Variants in ELMOD3 observed in about 807,000 individuals in gnomAD.
ELMOD3 encodes the protein ELMO domain containing 3, also known as ELMO domain-containing protein 3.
In ELMOD3, 36 loss-of-function variants were observed where a neutral mutation model predicts 47.4. That is an observed-to-expected ratio of 0.76 (90% CI 0.58 to 1.00). The LOEUF (loss-of-function observed/expected upper bound fraction) is 1.00. ELMOD3 is among the 50% of genes least tolerant of loss of function. The pLI is 0.00. For synonymous variants in ELMOD3, 149 were observed against 183.5 expected (o/e 0.81, Z 1.52); for missense variants, 404 against 463.8 (o/e 0.87, Z 1.18).
At chr2:85,362,135 C>T (rs1438644023) in intron 4 of ELMOD3, 51 bp from the exon 5 acceptor site, 6 of 1,085,676 alleles carry the variant, frequency 5.5e-6, no homozygotes, top group Non-Finnish European at 8.5e-6. Flanking sequence ...AAACTATTAT[C>T]TTTGGGGGAT....
At chr2:85,382,948 A>AC (rs1447288001) in intron 11 of ELMOD3, among the ~76,000 whole-genome samples, 2 of 133,014 alleles carry the variant, frequency 1.5e-5, no homozygotes. Context: ...GGAAAAAAAA[A>AC]AAAAAACAAA....
intron 11 of ELMOD3, among the ~76,000 whole-genome samples, chr2:85,377,945 C>T (rs968020325): frequency 1.3e-5 from 2 of 152,106 alleles, no homozygotes; most frequent in African/African-American, 4.8e-5. Flanking sequence ...GATTGGCTAG[C>T]AACTTAGAAC....
chr2:85,390,980 G>T lies in ELMOD3; in HGVS notation c.*18G>T. ...TGATCTGACCTCCGAGATGAATGGA[G>T]GCTTAAAGGCTGAGCTGCAGGGGCT... On this transcript the variant is annotated 3_prime_UTR_variant, in exon 14 of 14. Transcript: ENST00000409013. 6.5e-7 allele frequency: 1 copy of T among 1,545,166 alleles called. No individual in the cohort carries two copies. Among genetic ancestry groups the T allele is most frequent in the Non-Finnish European group, 8.8e-7 (1 of 1,142,164 alleles).
chr2:85,364,825 A>ATATTTTTTTT (rs375582916), intron 6 of ELMOD3, among the ~76,000 whole-genome samples: 5 of 69,900 alleles, frequency 7.2e-5, no homozygotes, highest in Non-Finnish European at 7.6e-5. Context: ...ATATATATAT[A>ATATTTTTTTT]TTTTTTTTTT....
chr2:85,354,774 C>A lies in ELMOD3; in HGVS notation c.-427C>A. ...GCACGGAAGCGGCTGTGCGCATGAG[C>A]AGATGAGGCCTAGCCGAGGCGGCGG... On this transcript the variant is annotated 5_prime_UTR_variant, in exon 1 of 14. Transcript: ENST00000409013. 2.5e-6 allele frequency: 1 copy of A among 394,410 alleles called. No homozygotes were observed. Among genetic ancestry groups the A allele is most frequent in the Non-Finnish European group, 4.6e-6 (1 of 218,642 alleles). 24.4% of individuals were successfully genotyped at this position (394,410 alleles called of 1,614,324 possible).
chr2:85,384,498 G>T (rs1035355244), intron 11 of ELMOD3, among the ~76,000 whole-genome samples: 4 of 152,168 alleles, frequency 2.6e-5, no homozygotes, highest in African/African-American at 9.7e-5. Context: ...GGCCAGAGGT[G>T]CTTCAGTAGC....
In ELMOD3 at chr2:85,373,950, A is replaced by G. The variant is rs1296249913; in HGVS notation, c.607+2388A>G. 2.7e-5 allele frequency among the ~76,000 whole-genome samples: 3 copies of G among 112,470 alleles called. No individual in the cohort carries two copies. In the East Asian group the frequency reaches 7.2e-4, roughly 27 times the overall value. The allele number at this position is 112,470 out of a possible 152,430, so 73.8% of individuals were successfully genotyped here. ...TTTTTTTTTTTTTTCTATTTCAAGGACTTCCTTTAGTTATTCTCTTAGGAT... is the reference window on the plus strand; with the variant it reads ...TTTTTTTTTTTTTTCTATTTCAAGGGCTTCCTTTAGTTATTCTCTTAGGAT... On this transcript the variant is annotated intron_variant, in intron 10 of 13. Transcript: ENST00000409013.
In ELMOD3 at chr2:85,384,261, T is replaced by TG. The variant is rs1685774055; in HGVS notation, c.739-5489dup. Among the ~76,000 whole-genome samples, 3 of 152,256 alleles carry TG rather than the reference T, an allele frequency of 2.0e-5. No homozygotes were observed. In the South Asian group the frequency reaches 6.2e-4, roughly 31 times the overall value. On this transcript the variant is annotated intron_variant, in intron 11 of 13. Coordinates refer to ENST00000409013, the MANE Select transcript of ELMOD3 (RefSeq NM_001135022.2). Reference sequence around the variant, plus strand: ...GTGATTTGGGGAACCCAAGATATTTTGTTTTCACAATAGAAACTTCAGCTG... The same window carrying TG: ...GTGATTTGGGGAACCCAAGATATTTTGGTTTTCACAATAGAAACTTCAGCTG...
chr2:85,370,521 G>T (rs918718324), intron 8 of ELMOD3, among the ~76,000 whole-genome samples: 2 of 152,170 alleles, frequency 1.3e-5, no homozygotes, highest in African/African-American at 2.4e-5. Flanking sequence ...TTGCTCAGGG[G>T]AGAGAGGCTA....
intron 7 of ELMOD3, among the ~76,000 whole-genome samples, chr2:85,369,499 A>G (rs1281545849): frequency 6.6e-6 from 1 of 152,176 alleles, no homozygotes; most frequent in Non-Finnish European, 1.5e-5. Context: ...CGTGGGGCAG[A>G]TCCGCCCCAT....
At position 85,390,771 on chromosome 2, in the gene ELMOD3, T is replaced by C; in HGVS notation, c.955T>C (p.Leu319=). 6.4e-7 allele frequency: 1 copy of C among 1,551,062 alleles called. No homozygotes were observed. ...SGFVLKELEV[L]AKKSPRRLLK... ...TCTCTCTGTTGCAGAGTTGGAAGTA[T>C]TGGCCAAGAAGAGCCCACGGCGGCT... is the stretch of plus-strand genomic sequence containing the variant. Residue 319 remains leucine, a synonymous_variant, in exon 14 of 14, where the codon TTG becomes CTG. Coordinates refer to ENST00000409013, the MANE Select transcript of ELMOD3 (RefSeq NM_001135022.2).
At position 85,376,373 on chromosome 2, in the gene ELMOD3, C is replaced by G. The variant is rs983585240; in HGVS notation, c.608-971C>G. Reference sequence around the variant, plus strand: ...CCAGCAGGGGAAGGAGGGACGTCACCATGTTACTGCCAGGTGGGGGTGGAA... The same window carrying G: ...CCAGCAGGGGAAGGAGGGACGTCACGATGTTACTGCCAGGTGGGGGTGGAA... On this transcript the variant is annotated intron_variant, in intron 10 of 13. Coordinates refer to ENST00000409013, the MANE Select transcript of ELMOD3 (RefSeq NM_001135022.2). This position sits in a 1 kb window ranked among gnomAD's most constrained non-coding sequence, Gnocchi z 4.2. 3.3e-5 allele frequency among the ~76,000 whole-genome samples: 5 copies of G among 152,166 alleles called. No individual in the cohort carries two copies. The highest frequency in any genetic ancestry group is 1.2e-4 in the African/African-American group (5 of 41,448).
At chr2:85,362,862 G>A (rs1310255273) in intron 5 of ELMOD3, among the ~76,000 whole-genome samples, 4 of 152,212 alleles carry the variant, frequency 2.6e-5, no homozygotes, top group Non-Finnish European at 5.9e-5. Context: ...AGGTTGCAGT[G>A]AGCCAAGATC....
At chr2:85,378,994 A>G (rs926763883) in intron 11 of ELMOD3, among the ~76,000 whole-genome samples, 1 of 152,220 alleles carries the variant, frequency 6.6e-6, no homozygotes, top group Non-Finnish European at 1.5e-5. Context: ...CTGGATATCA[A>G]TATAGGCCAC....
intron 8 of ELMOD3, 125 bp downstream of exon 8, chr2:85,369,955 A>G (rs1246880650): frequency 4.9e-6 from 6 of 1,234,694 alleles, no homozygotes; most frequent in Non-Finnish European, 6.7e-6. Context: ...GCCCAGGATC[A>G]TGGGTGGCCT....
chr2:85,365,357 A>AAT (rs1553417218), intron 6 of ELMOD3, among the ~76,000 whole-genome samples: 2 of 150,466 alleles, frequency 1.3e-5, no homozygotes, highest in Non-Finnish European at 3.0e-5. Context: ...CTCAAAAAAA[A>AAT]ATATATATAT....
rs201516145 is a variant in ELMOD3 at position 85,369,665 on chromosome 2, T to C, written c.269-74T>C. On this transcript the variant is annotated intron_variant, in intron 7 of 13. Transcript: ENST00000409013. ...CAGTGCTTGGCTTGGAAGTGACAAG[T>C]AGGAGGGCCTCAGTAAATGTTTGTT... The C allele has an allele frequency of 8.2e-4, 1,232 of 1,510,568 alleles. 22 individuals carry two copies. In the South Asian group the frequency reaches 0.014, roughly 17 times the overall value. The allele number at this position is 1,510,568 out of a possible 1,614,324, so 93.6% of individuals were successfully genotyped here.
At chr2:85,388,714 G>A (rs1157432535) in intron 11 of ELMOD3, among the ~76,000 whole-genome samples, 1 of 152,216 alleles carries the variant, frequency 6.6e-6, no homozygotes, top group Non-Finnish European at 1.5e-5. Context: ...AAGCACACGT[G>A]ACTACTGAGC....
rs1686314967 is a variant in ELMOD3, at chr2:85,391,001, G to T, written c.*39G>T. On this transcript the variant is annotated 3_prime_UTR_variant, in exon 14 of 14. Transcript: ENST00000409013. ...TGGAGGCTTAAAGGCTGAGCTGCAGGGGCTTTCAGGGGGTCAGTGGAGCCA... is the reference window on the plus strand; with the variant it reads ...TGGAGGCTTAAAGGCTGAGCTGCAGTGGCTTTCAGGGGGTCAGTGGAGCCA... 2 of 1,527,828 alleles carry T rather than the reference G, an allele frequency of 1.3e-6. No individual in the cohort carries two copies. The highest frequency in any genetic ancestry group is 4.9e-5 in the East Asian group (2 of 40,568). The allele number at this position is 1,527,828 out of a possible 1,614,324, so 94.6% of individuals were successfully genotyped here.
Sources: gnomAD v4.1 joint callset for allele counts (sites outside exome capture counted in the v4.1 genomes callset) on GRCh38, gnomAD v4.1.1 for gene constraint, Gnocchi (gnomAD v3.1) non-coding constraint, MANE v1.5 for transcripts, NCBI Gene and HGNC (gene_info 2026-07-23, HGNC 2026-07-21) for gene names.